HIPK2: variants seen among roughly 807,000 people sequenced by gnomAD.
HIPK2 encodes homeodomain-interacting protein kinase 2.
A neutral mutation model predicts 113.7 loss-of-function variants in HIPK2; 27 were observed. That is an observed-to-expected ratio of 0.24 (90% CI 0.17 to 0.33). The LOEUF is 0.33. Ranked by LOEUF, HIPK2 falls within the 10% of genes least tolerant of loss-of-function variation. The pLI is 1.00. For synonymous variants in HIPK2, 631 were observed against 642.2 expected (o/e 0.98, Z 0.26); for missense variants, 1,257 against 1,588.0 (o/e 0.79, Z 3.54).
chr7:139,729,218 G>A (rs965123463), intron 1 of HIPK2, among the ~76,000 whole-genome samples: 4 of 151,968 alleles, frequency 2.6e-5, no homozygotes, highest in Admixed American at 6.6e-5. Context: ...CCAGCTATTC[G>A]GGAGGCTGAG....
chr7:139,705,624 G>T (rs1361030716), intron 2 of HIPK2, among the ~76,000 whole-genome samples: 1 of 152,054 alleles, frequency 6.6e-6, no homozygotes, highest in East Asian at 1.9e-4. Flanking sequence ...TGATCCGCCC[G>T]CCTCGGCCTC....
rs182671739 is a variant in HIPK2 at position 139,587,722 on chromosome 7, A to G, written c.2718-3658T>C. ...AGTGAGATCCCACCTCTACAAAAAT[A>G]AAAACATTAGCTAGGCATGGTGGTG... On this transcript the variant is annotated intron_variant, in intron 12 of 14. Coordinates refer to ENST00000406875, the MANE Select transcript of HIPK2 (RefSeq NM_022740.5). 3.1e-3 allele frequency among the ~76,000 whole-genome samples: 470 copies of G among 151,948 alleles called. 3 individuals carry two copies. Among genetic ancestry groups the G allele is most frequent in the Non-Finnish European group, 5.2e-3 (354 of 67,960 alleles).
intron 13 of HIPK2, among the ~76,000 whole-genome samples, chr7:139,578,409 G>A (rs534450810): frequency 6.6e-6 from 1 of 152,186 alleles, no homozygotes; most frequent in South Asian, 2.1e-4. Flanking sequence ...GCCTCCCAAA[G>A]TGTTGGGATT....
At chr7:139,602,779 G>A (rs1462022425) in intron 10 of HIPK2, among the ~76,000 whole-genome samples, 1 of 152,188 alleles carries the variant, frequency 6.6e-6, no homozygotes, top group Non-Finnish European at 1.5e-5. Context: ...CGGGCACTGC[G>A]ATGGTGCATG....
At chr7:139,733,752 G>C (rs1795859319) in intron 1 of HIPK2, among the ~76,000 whole-genome samples, 1 of 152,218 alleles carries the variant, frequency 6.6e-6, no homozygotes, top group African/African-American at 2.4e-5. Context: ...GCTAAGCCAT[G>C]TAACTTAGAA....
intron 14 of HIPK2, among the ~76,000 whole-genome samples, chr7:139,574,139 T>C (rs761052374): frequency 6.6e-6 from 1 of 152,174 alleles, no homozygotes; most frequent in Non-Finnish European, 1.5e-5. Context: ...ACACTCTCTT[T>C]GAGCAGCAGT....
intron 6 of HIPK2, among the ~76,000 whole-genome samples, chr7:139,625,310 T>C (rs1184970673): frequency 1.3e-5 from 2 of 152,226 alleles, no homozygotes; most frequent in Non-Finnish European, 1.5e-5. Flanking sequence ...CTCCACTGAA[T>C]GGCTGCCACT....
At chr7:139,659,521 C>G (rs769764710) in intron 2 of HIPK2, among the ~76,000 whole-genome samples, 2 of 152,212 alleles carry the variant, frequency 1.3e-5, no homozygotes, top group Admixed American at 6.5e-5. Flanking sequence ...GAGAGAGATT[C>G]CTGCTTGGGC....
intron 2 of HIPK2, among the ~76,000 whole-genome samples, chr7:139,648,210 A>G (rs1387791658): frequency 6.6e-6 from 1 of 152,218 alleles, no homozygotes; most frequent in Non-Finnish European, 1.5e-5. Context: ...ACAACCCCAC[A>G]TACCCCAAAG....
intron 12 of HIPK2, among the ~76,000 whole-genome samples, chr7:139,587,597 G>A (rs75192562): frequency 0.051 from 7,696 of 151,776 alleles, 305 homozygotes; most frequent in South Asian, 0.2. Context: ...AGGGCACTGA[G>A]ATCCAGTACA....
At chr7:139,726,414 G>C (rs1795576182) in intron 1 of HIPK2, among the ~76,000 whole-genome samples, 1 of 152,192 alleles carries the variant, frequency 6.6e-6, no homozygotes, top group South Asian at 2.1e-4. Flanking sequence ...GAGGGGACTA[G>C]AACACATTTG....
intron 2 of HIPK2, among the ~76,000 whole-genome samples, chr7:139,654,757 C>T (rs1801596912): frequency 6.6e-6 from 1 of 152,200 alleles, no homozygotes; most frequent in Admixed American, 6.5e-5. Context: ...CAGCCAAATT[C>T]TGAGTGCTTA....
chr7:139,733,597 A>G (rs1305831283), intron 1 of HIPK2, among the ~76,000 whole-genome samples: 5 of 152,332 alleles, frequency 3.3e-5, no homozygotes, highest in South Asian at 2.1e-4. Flanking sequence ...TTACTTTCCA[A>G]TACAGTATTG....
chr7:139,734,552 C>A (rs1268086339), intron 1 of HIPK2, among the ~76,000 whole-genome samples: 1 of 152,178 alleles, frequency 6.6e-6, no homozygotes, highest in African/African-American at 2.4e-5. Context: ...AAATGCATTC[C>A]CATGCTCCAT....
chr7:139,573,671 G>A (rs1182086585), intron 14 of HIPK2, among the ~76,000 whole-genome samples: 1 of 152,048 alleles, frequency 6.6e-6, no homozygotes, highest in Non-Finnish European at 1.5e-5. Flanking sequence ...GTGAAACCCC[G>A]TCTCTACTAA....
At chr7:139,667,009 G>T (rs900196722) in intron 2 of HIPK2, among the ~76,000 whole-genome samples, 1 of 151,730 alleles carries the variant, frequency 6.6e-6, no homozygotes, top group Non-Finnish European at 1.5e-5. Flanking sequence ...AGGTTGCAGT[G>T]AGCCGAGATT....
chr7:139,743,863 C>T (rs529744140), intron 1 of HIPK2, among the ~76,000 whole-genome samples: 3 of 152,184 alleles, frequency 2.0e-5, no homozygotes, highest in Non-Finnish European at 4.4e-5. Flanking sequence ...GAGGAACTAA[C>T]ATTGATTGTA....
At chr7:139,776,995 A>C (rs1796774619) in intron 1 of HIPK2, 1 of 152,084 alleles carries the variant, frequency 6.6e-6, no homozygotes, top group Admixed American at 6.6e-5. Flanking sequence ...CGGCTGGAAA[A>C]CCCAAAGTCC....
intron 1 of HIPK2, among the ~76,000 whole-genome samples, chr7:139,765,737 T>C (rs28714444): frequency 0.066 from 10,055 of 152,204 alleles, 1,107 homozygotes; most frequent in African/African-American, 0.23. Context: ...CCTTTCCCCA[T>C]GGCCTCACAG....
Sources: allele counts gnomAD v4.1 joint callset (sites outside exome capture counted in the v4.1 genomes callset), GRCh38; gene constraint gnomAD v4.1.1; transcripts MANE v1.5; gene names NCBI Gene and HGNC (gene_info 2026-07-23, HGNC 2026-07-21).